Variants in OMA1 observed in about 807,000 individuals in gnomAD.
OMA1 encodes metalloendopeptidase OMA1, mitochondrial.
In OMA1, 38 loss-of-function variants were observed where a neutral mutation model predicts 30.9. That is an observed-to-expected ratio of 1.23 (90% CI 0.95 to 1.61). OMA1 has a LOEUF of 1.61. OMA1 is among the 40% of genes most tolerant of loss of function. OMA1 has a pLI of 0.00. For synonymous variants in OMA1, 173 were observed against 121.9 expected, an observed-to-expected ratio of 1.42 and a Z score of -2.76; for missense variants, 461 against 349.2, an observed-to-expected ratio of 1.32 and a Z score of -2.55.
rs1409390651 is a variant in OMA1, at chr1:58,530,672, TTG to T, written c.1067_1068del (p.Thr356AsnfsTer10). ...TCTCGAGGACAAATGGCCCAAATCA[TTG>T]TGAGGAAAATCATACCTAGGAAATC... ...LLDFLGMIFLTMIWAICPRDS... is the reference protein window; with the variant it reads ...LLDFLGMIFLXMIWAICPRDS... On this transcript the variant is annotated frameshift_variant, in exon 6 of 9. Coordinates refer to ENST00000371226, the MANE Select transcript of OMA1 (RefSeq NM_145243.5). LOFTEE classifies it high-confidence loss of function. 1 of 872,692 alleles carries T rather than the reference TTG, an allele frequency of 1.1e-6. No homozygotes were observed. Among genetic ancestry groups the T allele is most frequent in the African/African-American group, 1.6e-5 (1 of 61,312 alleles). 54.1% of individuals were successfully genotyped at this position (872,692 alleles called of 1,614,324 possible).
At chr1:58,525,512 A>C (rs1485211131) in intron 7 of OMA1, among the ~76,000 whole-genome samples, 1 of 152,140 alleles carries the variant, frequency 6.6e-6, no homozygotes, top group Non-Finnish European at 1.5e-5. Flanking sequence ...AATCTAACAA[A>C]AGATGTGTAA....
chr1:58,540,692 A>C (rs1334676382), intron 1 of OMA1, among the ~76,000 whole-genome samples: 1 of 148,806 alleles, frequency 6.7e-6, no homozygotes, highest in Non-Finnish European at 1.5e-5. Context: ...TCTAAAATGA[A>C]ATACAGAGAA....
chr1:58,521,989 A>G (rs978452489), intron 7 of OMA1, among the ~76,000 whole-genome samples: 10 of 152,250 alleles, frequency 6.6e-5, no homozygotes, highest in African/African-American at 2.4e-4. Flanking sequence ...TCTCCTTTGA[A>G]CATAGGATAA....
intron 1 of OMA1, 148 bp from the exon 2 acceptor site, chr1:58,539,458 C>A: frequency 1.7e-6 from 1 of 583,150 alleles, no homozygotes; most frequent in South Asian, 2.3e-5. Context: ...ACCCCTAGAG[C>A]AACGCCTTTC....
At chr1:58,482,326 T>C (rs1374114898) in intron 8 of OMA1, among the ~76,000 whole-genome samples, 2 of 152,086 alleles carry the variant, frequency 1.3e-5, no homozygotes, top group Non-Finnish European at 2.9e-5. Context: ...AAAAGAATCG[T>C]CCAATAGAAT....
intron 7 of OMA1, among the ~76,000 whole-genome samples, chr1:58,521,472 G>A (rs998664511): frequency 1.3e-5 from 2 of 151,702 alleles, no homozygotes; most frequent in African/African-American, 4.8e-5. Flanking sequence ...TTATATAATA[G>A]AGACAATAAG....
intron 7 of OMA1, among the ~76,000 whole-genome samples, chr1:58,509,187 G>C (rs1646035081): frequency 6.6e-6 from 1 of 151,994 alleles, no homozygotes; most frequent in Non-Finnish European, 1.5e-5. Flanking sequence ...ATGTACCAAA[G>C]GATGAAGATA....
At chr1:58,508,514 G>A (rs1569915224) in intron 7 of OMA1, among the ~76,000 whole-genome samples, 1 of 152,122 alleles carries the variant, frequency 6.6e-6, no homozygotes, top group East Asian at 1.9e-4. Flanking sequence ...ACACCCTCTT[G>A]CCATAATCTG....
intron 7 of OMA1, among the ~76,000 whole-genome samples, chr1:58,514,955 G>T (rs992091657): frequency 1.3e-5 from 2 of 152,062 alleles, no homozygotes; most frequent in Admixed American, 1.3e-4. Flanking sequence ...TTGTTATGAA[G>T]ATCAAAAGAA....
chr1:58,493,264 T>C (rs1175303598), intron 8 of OMA1, among the ~76,000 whole-genome samples: 1 of 152,150 alleles, frequency 6.6e-6, no homozygotes, highest in Non-Finnish European at 1.5e-5. Flanking sequence ...ATGGGACGTA[T>C]CTCAAAATAG....
chr1:58,521,429 A>G (rs1646262122), intron 7 of OMA1, among the ~76,000 whole-genome samples: 1 of 151,810 alleles, frequency 6.6e-6, no homozygotes, highest in Admixed American at 6.6e-5. Flanking sequence ...TAAAATAATG[A>G]AAAAAAATGG....
intron 6 of OMA1, among the ~76,000 whole-genome samples, chr1:58,529,567 G>A (rs1379257390): frequency 6.6e-6 from 1 of 152,160 alleles, no homozygotes; most frequent in South Asian, 2.1e-4. Flanking sequence ...TTTTAACAGA[G>A]TGAAAAGCAA....
At chr1:58,518,156 A>C (rs1047245299) in intron 7 of OMA1, among the ~76,000 whole-genome samples, 1 of 141,658 alleles carries the variant, frequency 7.1e-6, no homozygotes, top group African/African-American at 2.6e-5. Flanking sequence ...ATTGCACTCC[A>C]GCCTGGGCAA....
At chr1:58,545,891 G>A (rs922611393) in intron 1 of OMA1, among the ~76,000 whole-genome samples, 7 of 152,176 alleles carry the variant, frequency 4.6e-5, no homozygotes, top group African/African-American at 1.7e-4. Context: ...CAGCAGACTT[G>A]GTTCTTAAGC....
chr1:58,506,254 G>T, intron 7 of OMA1, 45 bp from the exon 8 acceptor site: 2 of 808,314 alleles, frequency 2.5e-6, no homozygotes, highest in South Asian at 1.6e-5. Flanking sequence ...TCAGTTTTGA[G>T]GATTTTTTAA....
At chr1:58,514,620 CAT>C (rs1261100145) in intron 7 of OMA1, among the ~76,000 whole-genome samples, 1 of 152,138 alleles carries the variant, frequency 6.6e-6, no homozygotes, top group African/African-American at 2.4e-5. Flanking sequence ...CTGTATTCCA[CAT>C]AGACATGTGA....
At chr1:58,541,332 A>AAAAAAAC in intron 1 of OMA1, among the ~76,000 whole-genome samples, 1 of 128,236 alleles carries the variant, frequency 7.8e-6, no homozygotes, top group Non-Finnish European at 1.7e-5. Flanking sequence ...AAAAAAAAAA[A>AAAAAAAC]ACAGGAAAAA....
intron 8 of OMA1, among the ~76,000 whole-genome samples, chr1:58,493,430 G>C (rs1223986606): frequency 5.9e-5 from 9 of 152,036 alleles, no homozygotes; most frequent in African/African-American, 1.9e-4. Flanking sequence ...AATCAGGCAA[G>C]AGAAAGAAAT....
At chr1:58,535,595 C>CAAAAA (rs11315198) in intron 3 of OMA1, among the ~76,000 whole-genome samples, 2 of 95,572 alleles carry the variant, frequency 2.1e-5, no homozygotes, top group African/African-American at 3.9e-5. Flanking sequence ...GTCTCTGTCT[C>CAAAAA]AAAAAAAAAA....
Sources: gnomAD v4.1 joint callset for allele counts (sites outside exome capture counted in the v4.1 genomes callset) on GRCh38, gnomAD v4.1.1 for gene constraint, MANE v1.5 for transcripts, NCBI Gene and HGNC (gene_info 2026-07-23, HGNC 2026-07-21) for gene names.